SOAT1: variants seen among roughly 807,000 people sequenced by gnomAD.
SOAT1 encodes acyl-coenzyme A:cholesterol acyltransferase 1.
SOAT1 carries 55 observed loss-of-function variants against 69.5 expected under a neutral mutation model. That is an observed-to-expected ratio of 0.79 (90% confidence interval 0.64 to 0.99). The LOEUF is 0.99. Among genes scored for constraint, SOAT1 ranks in the 50% least tolerant of loss-of-function variants. The pLI is 0.00. For synonymous variants in SOAT1, 231 were observed against 224.7 expected, an observed-to-expected ratio of 1.03 and a Z score of -0.25; for missense variants, 580 against 669.3, an observed-to-expected ratio of 0.87 and a Z score of 1.47.
At position 179,353,574 on chromosome 1, in the gene SOAT1, C is replaced by A; in HGVS notation, c.1597-11C>A. 1 of 1,611,664 alleles carries A rather than the reference C, an allele frequency of 6.2e-7. No homozygotes were observed. ...AAATTATTTTTCCATTCTTATTTTTCCCCACTGCAGCCCACATTTTTGGAT... is the reference window on the plus strand; with the variant it reads ...AAATTATTTTTCCATTCTTATTTTTACCCACTGCAGCCCACATTTTTGGAT... On this transcript the variant is annotated splice_polypyrimidine_tract_variant and intron_variant, in intron 15 of 15. Transcript: ENST00000367619.
intron 3 of SOAT1, among the ~76,000 whole-genome samples, chr1:179,327,585 A>G (rs1218963026): frequency 6.6e-6 from 1 of 152,238 alleles, no homozygotes; most frequent in Non-Finnish European, 1.5e-5. Context: ...TAAACAATGA[A>G]TACTTTTTTA....
At chr1:179,304,251 G>A (rs1400723694) in intron 2 of SOAT1, among the ~76,000 whole-genome samples, 3 of 151,600 alleles carry the variant, frequency 2.0e-5, no homozygotes, top group Non-Finnish European at 4.4e-5. Context: ...ACCGTGCCCA[G>A]CCTGGTCTAG....
At position 179,342,118 on chromosome 1, in the gene SOAT1, G is replaced by A. The variant is rs749244142; in HGVS notation, c.785G>A (p.Arg262His). The A allele has an allele frequency of 1.2e-5, 20 of 1,613,566 alleles. No individual in the cohort carries two copies. The highest frequency in any genetic ancestry group is 2.7e-5 in the African/African-American group (2 of 75,014). ...TTTTTCCTCCTGCTTTTGTAGATTC[G>A]TTTTGTAATGAAGGCCCACTCATTT... ...SRFIIIFEQIRFVMKAHSFVR... is the reference protein window; with the variant it reads ...SRFIIIFEQIHFVMKAHSFVR... Residue 262 changes from arginine (R) to histidine (H), a missense_variant, in exon 8 of 16, where the codon CGT becomes CAT. By Grantham distance (29) the Arg-to-His change is conservative. Coordinates refer to ENST00000367619, the MANE Select transcript of SOAT1 (RefSeq NM_003101.6).
rs746357347 is a variant in SOAT1 at position 179,337,894 on chromosome 1, AGAGT to A, written c.389+3_389+6del. 14 of 1,599,366 alleles carry A rather than the reference AGAGT, an allele frequency of 8.8e-6. No individual in the cohort carries two copies. Among genetic ancestry groups the A allele is most frequent in the Middle Eastern group, 1.8e-4 (1 of 5,534 alleles). On this transcript the variant is annotated splice_donor_variant and coding_sequence_variant, in exon 5 of 16. Transcript: ENST00000367619. LOFTEE classifies it high-confidence loss of function. ...TTTTTATTGCAAGGCGCTCTCTCTT[AGAGT>A]GAGTATTTTTAGTTGTTTTTAAATA...
intron 3 of SOAT1, among the ~76,000 whole-genome samples, chr1:179,327,000 G>T (rs1665818146): frequency 6.6e-6 from 1 of 152,210 alleles, no homozygotes; most frequent in African/African-American, 2.4e-5. Context: ...GGAAACAGAT[G>T]AGCCAGTAGG....
At chr1:179,309,485 C>A (rs1665146784) in intron 2 of SOAT1, among the ~76,000 whole-genome samples, 1 of 152,282 alleles carries the variant, frequency 6.6e-6, no homozygotes, top group African/African-American at 2.4e-5. Context: ...AATTTATATT[C>A]CTAACTATAC....
chr1:179,308,848 T>C (rs956967416), intron 2 of SOAT1, among the ~76,000 whole-genome samples: 8 of 152,152 alleles, frequency 5.3e-5, no homozygotes, highest in African/African-American at 1.9e-4. Context: ...ATTTGAGATC[T>C]CTTCTGCAAT....
At chr1:179,311,999 A>C (rs1665235485) in intron 2 of SOAT1, among the ~76,000 whole-genome samples, 1 of 152,248 alleles carries the variant, frequency 6.6e-6, no homozygotes, top group South Asian at 2.1e-4. Context: ...GAAGAGGTTG[A>C]AAGACAGCAA....
chr1:179,327,274 T>A (rs1277696326), intron 3 of SOAT1, among the ~76,000 whole-genome samples: 1 of 152,072 alleles, frequency 6.6e-6, no homozygotes, highest in East Asian at 1.9e-4. Context: ...TTACAAATAA[T>A]TTTTTTTAAA....
intron 2 of SOAT1, among the ~76,000 whole-genome samples, chr1:179,321,143 T>C (rs1323027840): frequency 6.6e-6 from 1 of 151,966 alleles, no homozygotes; most frequent in Non-Finnish European, 1.5e-5. Flanking sequence ...CTGACTCAGG[T>C]GATCCGCCTG....
In SOAT1 at chr1:179,329,200, G is replaced by A. The variant is rs1237925937; in HGVS notation, c.177+5705G>A. 3.3e-5 allele frequency among the ~76,000 whole-genome samples: 5 copies of A among 152,088 alleles called. No homozygotes were observed. The East Asian group carries it at 9.6e-4, about 29-fold the overall frequency. On this transcript the variant is annotated intron_variant, in intron 3 of 15. Coordinates refer to ENST00000367619, the MANE Select transcript of SOAT1 (RefSeq NM_003101.6). Reference sequence around the variant, plus strand: ...GTCAGGATACAAAAATTAGCTGGGTGTGGTGACACATGCCTATAATCCTAG... The same window carrying A: ...GTCAGGATACAAAAATTAGCTGGGTATGGTGACACATGCCTATAATCCTAG...
At position 179,355,513 on chromosome 1, in the gene SOAT1, A is replaced by G. The variant is rs117558051; in HGVS notation, c.*1872A>G. The G allele has an allele frequency of 8.9e-3, 1,359 of 152,936 alleles. 41 individuals carry two copies. The highest frequency in any genetic ancestry group is 0.056 in the Admixed American group (854 of 15,256). 9.5% of individuals were successfully genotyped at this position (152,936 alleles called of 1,614,324 possible). ...TGTATTTGTTGGATTGATCAAGGCTATTTTTCAAAAAGCTCTCTGCTTCCT... is the reference window on the plus strand; with the variant it reads ...TGTATTTGTTGGATTGATCAAGGCTGTTTTTCAAAAAGCTCTCTGCTTCCT... On this transcript the variant is annotated 3_prime_UTR_variant, in exon 16 of 16. Transcript: ENST00000367619.
chr1:179,341,288 G>A lies in SOAT1; in HGVS notation c.758G>A (p.Arg253Gln), dbSNP rs1233928617. The stretch of plus-strand genomic sequence containing the variant: ...GCATATACACTGCCACCAGCTTCCC[G>A]GTTCATCATTATATTCGAGCAGGTA... ...VLAYTLPPAS[R>Q]FIIIFEQIRF... Residue 253 changes from arginine to glutamine, a missense_variant, in exon 7 of 16, where the codon CGG becomes CAG. Physicochemically the swap from Arg to Gln is conservative, Grantham distance 43. Coordinates refer to ENST00000367619, the MANE Select transcript of SOAT1 (RefSeq NM_003101.6). 7 of 1,613,802 alleles carry A rather than the reference G, an allele frequency of 4.3e-6. No individual in the cohort carries two copies. In the South Asian group the frequency reaches 4.4e-5, roughly 10 times the overall value.
intron 3 of SOAT1, among the ~76,000 whole-genome samples, chr1:179,326,014 G>A (rs1414593461): frequency 1.3e-5 from 2 of 152,150 alleles, no homozygotes; most frequent in Admixed American, 1.3e-4. Flanking sequence ...CATAAGGGTT[G>A]CAGAGTTGTG....
At chr1:179,324,659 A>G (rs1350394986) in intron 3 of SOAT1, among the ~76,000 whole-genome samples, 1 of 152,226 alleles carries the variant, frequency 6.6e-6, no homozygotes, top group Non-Finnish European at 1.5e-5. Context: ...ATCATTTCTG[A>G]TGAATGTCTT....
At chr1:179,310,999 C>T (rs1020368769) in intron 2 of SOAT1, among the ~76,000 whole-genome samples, 5 of 152,000 alleles carry the variant, frequency 3.3e-5, no homozygotes, top group African/African-American at 1.2e-4. Flanking sequence ...TTTCTTCAGG[C>T]TCAGTTACTT....
intron 1 of SOAT1, among the ~76,000 whole-genome samples, chr1:179,300,212 C>T (rs1041585346): frequency 6.6e-6 from 1 of 151,890 alleles, no homozygotes; most frequent in Non-Finnish European, 1.5e-5. Context: ...TAAAATTCCT[C>T]TCTTACTGAA....
At chr1:179,350,554 T>G (rs1666690205) in intron 14 of SOAT1, 123 bp downstream of exon 14, 2 of 843,136 alleles carry the variant, frequency 2.4e-6, no homozygotes, top group East Asian at 5.0e-5. Context: ...AAGGTAGTAC[T>G]TCTTTATCAG....
At chr1:179,338,016 T>A in intron 5 of SOAT1, 120 bp downstream of exon 5, 1 of 592,192 alleles carries the variant, frequency 1.7e-6, no homozygotes, top group East Asian at 3.1e-5. Flanking sequence ...TTAGTGGGTT[T>A]TTTTCTTCTA....
Sources: allele counts gnomAD v4.1 joint callset (sites outside exome capture counted in the v4.1 genomes callset), GRCh38; gene constraint gnomAD v4.1.1; transcripts MANE v1.5; gene names NCBI Gene and HGNC (gene_info 2026-07-23, HGNC 2026-07-21).